The following CDH8 variants were observed in gnomAD, a reference collection of about 807,000 sequenced individuals.
CDH8 encodes cadherin-8.
In CDH8, 17 loss-of-function variants were observed where a neutral mutation model predicts 68.1. The observed-to-expected ratio is 0.25, with a 90% CI of 0.17 to 0.37. The LOEUF is 0.37. Among genes scored for constraint, CDH8 ranks in the 10% least tolerant of loss-of-function variants. The pLI is 1.00. For missense variants in CDH8, 763 were observed against 999.3 expected (o/e 0.76, Z 3.19); for synonymous variants, 372 against 365.1 (o/e 1.02, Z -0.21).
chr16:61,667,463 T>C (rs1306081467), intron 10 of CDH8: 2 of 152,010 alleles, frequency 1.3e-5, no homozygotes, highest in Non-Finnish European at 2.9e-5. Flanking sequence ...TGTAACCATC[T>C]AGCAGTAGAG....
intron 8 of CDH8, among the ~76,000 whole-genome samples, chr16:61,731,870 A>T (rs1425342126): frequency 1.3e-5 from 2 of 151,866 alleles, no homozygotes; most frequent in Non-Finnish European, 2.9e-5. Flanking sequence ...AAATATGTAA[A>T]TGAAGATGCC....
At chr16:61,780,907 C>T (rs1321590225) in intron 8 of CDH8, among the ~76,000 whole-genome samples, 2 of 152,146 alleles carry the variant, frequency 1.3e-5, no homozygotes, top group Non-Finnish European at 2.9e-5. Context: ...TATTTTACAA[C>T]TAAAATTTAA....
chr16:61,976,771 C>G (rs1488976213), intron 2 of CDH8, among the ~76,000 whole-genome samples: 2 of 152,102 alleles, frequency 1.3e-5, no homozygotes, highest in Non-Finnish European at 2.9e-5. Context: ...TTGGTGGAGA[C>G]ACTAATTGCA....
intron 4 of CDH8, among the ~76,000 whole-genome samples, chr16:61,841,719 C>CA (rs1962687463): frequency 6.6e-6 from 1 of 152,042 alleles, no homozygotes. Context: ...ATGGATACCC[C>CA]ATTCTCCATG....
chr16:62,005,185 G>T (rs543913908), intron 2 of CDH8, among the ~76,000 whole-genome samples: 1 of 152,166 alleles, frequency 6.6e-6, no homozygotes, highest in Non-Finnish European at 1.5e-5. Flanking sequence ...TTGCAAAGCC[G>T]AGTGACACTC....
At position 61,649,718 on chromosome 16, in the gene CDH8, C is replaced by T. The variant is rs1963278014; in HGVS notation, c.*3890G>A. 2 of 152,010 alleles carry T rather than the reference C, an allele frequency of 1.3e-5. No individual in the cohort carries two copies. Among genetic ancestry groups the T allele is most frequent in the Non-Finnish European group, 2.9e-5 (2 of 68,010 alleles). The allele number at this position is 152,010 out of a possible 1,614,324, so 9.4% of individuals were successfully genotyped here. ...TGAGATTCCCTGCAAAGCCAGTGATCGCATAATACAACTTGTTGGAAGGGC... is the reference window on the plus strand; with the variant it reads ...TGAGATTCCCTGCAAAGCCAGTGATTGCATAATACAACTTGTTGGAAGGGC... On this transcript the variant is annotated 3_prime_UTR_variant, in exon 12 of 12. Coordinates refer to ENST00000577390, the MANE Select transcript of CDH8 (RefSeq NM_001796.5).
intron 2 of CDH8, among the ~76,000 whole-genome samples, chr16:61,945,593 A>G (rs1423766313): frequency 1.3e-5 from 2 of 152,216 alleles, no homozygotes. Context: ...AAGAGTTAAG[A>G]ACTTGACAAG....
chr16:61,804,105 T>C (rs1455396249), intron 7 of CDH8, among the ~76,000 whole-genome samples: 2 of 136,468 alleles, frequency 1.5e-5, no homozygotes, highest in East Asian at 4.0e-4. Flanking sequence ...GAACAGAAAT[T>C]ATAACAAACT....
intron 8 of CDH8, among the ~76,000 whole-genome samples, chr16:61,739,364 A>C (rs1451561463): frequency 6.6e-6 from 1 of 152,136 alleles, no homozygotes; most frequent in Non-Finnish European, 1.5e-5. Context: ...AAACACAAGC[A>C]ACACACACAA....
intron 8 of CDH8, among the ~76,000 whole-genome samples, chr16:61,773,373 G>A (rs1173107678): frequency 1.3e-5 from 2 of 152,022 alleles, no homozygotes; most frequent in Non-Finnish European, 2.9e-5. Context: ...AAAGCTTAAA[G>A]GAGCCATGTC....
At chr16:61,687,120 G>T (rs1464298516) in intron 10 of CDH8, among the ~76,000 whole-genome samples, 1 of 151,868 alleles carries the variant, frequency 6.6e-6, no homozygotes, top group Non-Finnish European at 1.5e-5. Context: ...CCATTGAACA[G>T]TATGCCTGGA....
chr16:61,893,945 T>G (rs76642079), intron 3 of CDH8, among the ~76,000 whole-genome samples: 1 of 152,142 alleles, frequency 6.6e-6, no homozygotes, highest in Non-Finnish European at 1.5e-5. Flanking sequence ...GCAGCTCTCA[T>G]AGTAATCATT....
chr16:61,678,898 T>C (rs1963964005), intron 10 of CDH8, among the ~76,000 whole-genome samples: 1 of 152,064 alleles, frequency 6.6e-6, no homozygotes, highest in African/African-American at 2.4e-5. Flanking sequence ...CTGATGTTCA[T>C]TGACTTAGTT....
intron 8 of CDH8, among the ~76,000 whole-genome samples, chr16:61,737,854 T>C (rs566944202): frequency 6.6e-6 from 1 of 152,260 alleles, no homozygotes; most frequent in South Asian, 2.1e-4. Flanking sequence ...TGCGTTGTGT[T>C]GTACACAGAA....
At chr16:62,007,415 C>G (rs1024030939) in intron 2 of CDH8, among the ~76,000 whole-genome samples, 3 of 152,102 alleles carry the variant, frequency 2.0e-5, no homozygotes, top group Non-Finnish European at 4.4e-5. Context: ...CTTCTAGTGC[C>G]AATTCCTAGA....
At chr16:61,688,441 A>G (rs1030676758) in intron 10 of CDH8, among the ~76,000 whole-genome samples, 6 of 151,952 alleles carry the variant, frequency 3.9e-5, no homozygotes, top group Non-Finnish European at 7.4e-5. Flanking sequence ...TTTGTTTTCA[A>G]TTAAGTTAGA....
intron 2 of CDH8, among the ~76,000 whole-genome samples, chr16:61,952,874 G>A (rs1179944853): frequency 1.3e-5 from 2 of 152,138 alleles, no homozygotes; most frequent in East Asian, 1.9e-4. Context: ...GATACAAAGA[G>A]ATGACTTAGA....
At chr16:61,985,493 T>C (rs1278750993) in intron 2 of CDH8, among the ~76,000 whole-genome samples, 1 of 152,160 alleles carries the variant, frequency 6.6e-6, no homozygotes, top group East Asian at 1.9e-4. Flanking sequence ...TCAAAAGAAG[T>C]TGGCTGAGTT....
At chr16:61,762,991 T>A (rs1020093762) in intron 8 of CDH8, among the ~76,000 whole-genome samples, 1 of 152,166 alleles carries the variant, frequency 6.6e-6, no homozygotes, top group Non-Finnish European at 1.5e-5. Flanking sequence ...GCAGCTGTGC[T>A]TCTGGTGAAA....
Sources: gnomAD v4.1 joint callset for allele counts (sites outside exome capture counted in the v4.1 genomes callset) on GRCh38, gnomAD v4.1.1 for gene constraint, MANE v1.5 for transcripts, NCBI Gene and HGNC (gene_info 2026-07-23, HGNC 2026-07-21) for gene names.